SEC63: variants seen among roughly 807,000 people sequenced by gnomAD.
SEC63 encodes the protein SEC63 protein translocation regulator, also known as translocation protein SEC63 homolog.
Under a neutral mutation model 116.2 loss-of-function variants are expected in SEC63, and 56 were observed. That is an observed-to-expected ratio of 0.48 (90% CI 0.39 to 0.60). The LOEUF (loss-of-function observed/expected upper bound fraction) is 0.60, where lower values mean the gene tolerates loss of function less well. Ranked by LOEUF, SEC63 falls within the 20% of genes least tolerant of loss-of-function variation. The probability of loss-of-function intolerance (pLI) is 0.00; values close to 1 mark genes in which losing one functional copy is unlikely to be tolerated. For synonymous variants in SEC63, 273 were observed against 294.6 expected, an observed-to-expected ratio of 0.93 and a Z score of 0.75; for missense variants, 668 against 900.0, an observed-to-expected ratio of 0.74 and a Z score of 3.30.
In SEC63 at chr6:107,904,617, T is replaced by A. The variant is rs1472708776; in HGVS notation, c.1054+12A>T. ...AAAAAGTATAACATAATTAACTATA[T>A]TTCCTCCTCACCTTCACGGTTCCGG... On this transcript the variant is annotated intron_variant, in intron 11 of 20. Transcript: ENST00000369002. 6.3e-7 allele frequency: 1 copy of A among 1,581,180 alleles called. No individual in the cohort carries two copies.
rs561777768 is a variant in SEC63, at chr6:107,880,724, G to A, written c.1935+425C>T. Among the ~76,000 whole-genome samples, 5 of 152,246 alleles carry A rather than the reference G, an allele frequency of 3.3e-5. No individual in the cohort carries two copies. The South Asian group carries it at 6.2e-4, about 19-fold the overall frequency. ...AGAGCAATTCTAATGGTTCCATGTC[G>A]CCAGCAGGATCCTCAGAGAGAAAAT... On this transcript the variant is annotated intron_variant, in intron 18 of 20. Transcript: ENST00000369002.
intron 1 of SEC63, among the ~76,000 whole-genome samples, chr6:107,934,522 C>T (rs534482015): frequency 9.2e-5 from 13 of 141,498 alleles, no homozygotes; most frequent in East Asian, 4.4e-4. Context: ...GCCCGGCAGC[C>T]GCCCCGTCTG....
At chr6:107,911,150 G>A in intron 7 of SEC63, 196 bp downstream of exon 7, 1 of 594,440 alleles carries the variant, frequency 1.7e-6, no homozygotes, top group Non-Finnish European at 3.0e-6. Flanking sequence ...GGAGTGCAGA[G>A]GTGGGGTCAT....
intron 1 of SEC63, among the ~76,000 whole-genome samples, chr6:107,933,773 C>G (rs1182111744): frequency 2.6e-5 from 4 of 151,828 alleles, no homozygotes; most frequent in Admixed American, 2.0e-4. Flanking sequence ...GATGTCTAGC[C>G]GAAGCTGGAC....
intron 18 of SEC63, among the ~76,000 whole-genome samples, chr6:107,877,666 T>A (rs1477027863): frequency 6.6e-6 from 1 of 152,182 alleles, no homozygotes; most frequent in Non-Finnish European, 1.5e-5. Flanking sequence ...GGTCTTGAAC[T>A]CCTGGGCTCA....
At chr6:107,907,244 G>A (rs1427509567) in intron 8 of SEC63, among the ~76,000 whole-genome samples, 1 of 152,124 alleles carries the variant, frequency 6.6e-6, no homozygotes, top group Non-Finnish European at 1.5e-5. Flanking sequence ...ATTTTATTAT[G>A]GAACCCAAGA....
chr6:107,929,695 A>G (rs1787755963), intron 1 of SEC63, among the ~76,000 whole-genome samples, 181 bp from the exon 2 acceptor site: 1 of 152,220 alleles, frequency 6.6e-6, no homozygotes, highest in Non-Finnish European at 1.5e-5. Flanking sequence ...GCCATTTAGA[A>G]CAAACAACCT....
intron 1 of SEC63, among the ~76,000 whole-genome samples, chr6:107,952,693 G>A (rs559129360): frequency 6.6e-6 from 1 of 152,258 alleles, no homozygotes; most frequent in African/African-American, 2.4e-5. Flanking sequence ...GGGAGGTGGA[G>A]GTTGCAGTGA....
Position 107,869,411 on chromosome 6 carries a change from CTG to C in SEC63, c.*2291_*2292del, listed in dbSNP as rs1351049386. 1 of 152,168 alleles carries C rather than the reference CTG, an allele frequency of 6.6e-6. No homozygotes were observed. The highest frequency in any genetic ancestry group is 1.5e-5 in the Non-Finnish European group (1 of 68,036). 9.4% of individuals were successfully genotyped at this position (152,168 alleles called of 1,614,324 possible). ...TAGAGAAAAATATCACATAATTTAA[CTG>C]TTTCAATTTCACTTCCTATACACTG... is the stretch of plus-strand genomic sequence containing the variant. On this transcript the variant is annotated 3_prime_UTR_variant, in exon 21 of 21. Transcript: ENST00000369002.
chr6:107,912,579 T>C, intron 6 of SEC63, 137 bp downstream of exon 6: 2 of 691,706 alleles, frequency 2.9e-6, no homozygotes, highest in Non-Finnish European at 5.3e-6. Flanking sequence ...AGCAAGACTC[T>C]GTCTCAAATG....
chr6:107,880,627 C>T (rs553959751), intron 18 of SEC63, among the ~76,000 whole-genome samples: 1 of 152,170 alleles, frequency 6.6e-6, no homozygotes, highest in African/African-American at 2.4e-5. Flanking sequence ...TTTATTAGAG[C>T]CAAGAACACA....
rs968365367 is a variant in SEC63, at chr6:107,871,191, A to G, written c.*513T>C. On this transcript the variant is annotated 3_prime_UTR_variant, in exon 21 of 21. Transcript: ENST00000369002. ...CTTATGACCAAGATAAGTAAAAATA[A>G]AAGTTTAAATCTATGAGTGGAGCTG... The G allele has an allele frequency of 1.3e-5, 2 of 157,730 alleles. No homozygotes were observed. Among genetic ancestry groups the G allele is most frequent in the African/African-American group, 4.8e-5 (2 of 41,480 alleles). 9.8% of individuals were successfully genotyped at this position (157,730 alleles called of 1,614,324 possible). A position where few individuals can be genotyped will look rare whatever the true frequency, so the allele number is the denominator to read the frequency against.
chr6:107,911,901 A>G (rs935602630), intron 6 of SEC63, among the ~76,000 whole-genome samples: 1 of 152,164 alleles, frequency 6.6e-6, no homozygotes, highest in East Asian at 1.9e-4. Flanking sequence ...TCACTTCATA[A>G]TGCTGACTAG....
rs1219480129 is a variant in SEC63 at position 107,871,820 on chromosome 6, G to C, written c.2167C>G (p.Pro723Ala). 6.2e-7 allele frequency: 1 copy of C among 1,613,612 alleles called. No homozygotes were observed. The highest frequency in any genetic ancestry group is 8.5e-7 in the Non-Finnish European group (1 of 1,179,708). The change falls in exon 21 of 21, where the codon CCA (proline) becomes GCA (alanine). Residue 723 changes from proline to alanine, a missense_variant. Transcript: ENST00000369002. ...GTATCCCACTGTGGGTGATTTTCTG[G>C]CACAGGCTTAGCCTCATGAACTTCC... is the stretch of plus-strand genomic sequence containing the variant. The part of the protein sequence containing the change: ...KLEVHEAKPV[P>A]ENHPQWDTAI...
At chr6:107,903,684 A>G (rs943261018) in intron 11 of SEC63, among the ~76,000 whole-genome samples, 1 of 152,210 alleles carries the variant, frequency 6.6e-6, no homozygotes. Flanking sequence ...CAGCCCTGGT[A>G]GATGCTGTCT....
chr6:107,905,764 G>C (rs944046854), intron 10 of SEC63, among the ~76,000 whole-genome samples: 1 of 152,074 alleles, frequency 6.6e-6, no homozygotes, highest in African/African-American at 2.4e-5. Context: ...AAATTATTAG[G>C]AACTTTTGTA....
chr6:107,889,067 T>C (rs1036904543), intron 16 of SEC63, among the ~76,000 whole-genome samples: 8 of 152,220 alleles, frequency 5.3e-5, no homozygotes, highest in Non-Finnish European at 1.0e-4. Context: ...TTGTTGTGTC[T>C]CTGCCAGGTT....
chr6:107,925,903 G>A (rs929017489), intron 2 of SEC63, among the ~76,000 whole-genome samples: 1 of 152,152 alleles, frequency 6.6e-6, no homozygotes, highest in African/African-American at 2.4e-5. Flanking sequence ...AGGCTGGAGT[G>A]CAATGGCACG....
At chr6:107,956,683 T>C (rs888440619) in intron 1 of SEC63, among the ~76,000 whole-genome samples, 4 of 152,200 alleles carry the variant, frequency 2.6e-5, no homozygotes, top group Non-Finnish European at 4.4e-5. Flanking sequence ...AAATTTATTT[T>C]AGTTCTATTC....
Sources: gnomAD v4.1 joint callset for allele counts (sites outside exome capture counted in the v4.1 genomes callset) on GRCh38, gnomAD v4.1.1 for gene constraint, MANE v1.5 for transcripts, NCBI Gene and HGNC (gene_info 2026-07-23, HGNC 2026-07-21) for gene names.